PRRX2: variants seen among roughly 807,000 people sequenced by gnomAD.
The protein encoded by PRRX2 is paired mesoderm homeobox protein 2.
In PRRX2, 11 loss-of-function variants were observed where a neutral mutation model predicts 18.0. The observed-to-expected ratio is 0.61, with a 90% confidence interval of 0.39 to 1.01. PRRX2 has a LOEUF of 1.01. Ranked by LOEUF, PRRX2 falls within the 50% of genes least tolerant of loss-of-function variation. The pLI is 0.01. For missense variants in PRRX2, 387 were observed against 351.0 expected, an observed-to-expected ratio of 1.10 and a Z score of -0.82; for synonymous variants, 177 against 154.8, an observed-to-expected ratio of 1.14 and a Z score of -1.06.
chr9:129,666,981 C>A (rs866852445), intron 1 of PRRX2, among the ~76,000 whole-genome samples: 1 of 152,188 alleles, frequency 6.6e-6, no homozygotes, highest in Non-Finnish European at 1.5e-5. Context: ...CCCACCCGCC[C>A]CGGGGGACCC....
intron 1 of PRRX2, among the ~76,000 whole-genome samples, chr9:129,690,683 T>C (rs1186067246): frequency 1.3e-5 from 2 of 151,866 alleles, no homozygotes; most frequent in Non-Finnish European, 2.9e-5. Context: ...ATTTTTTGTA[T>C]TTTTAGTAGA....
rs539702516 is a variant in PRRX2 at position 129,666,550 on chromosome 9, G to C, written c.259+424G>C. ...TCCTCGGTCTTAAGTTGGGCTCTTT[G>C]GGGGGCGAGGGTGCCTGCCCACCCC... On this transcript the variant is annotated intron_variant, in intron 1 of 3. Coordinates refer to ENST00000372469, the MANE Select transcript of PRRX2 (RefSeq NM_016307.4). 9.7e-3 allele frequency among the ~76,000 whole-genome samples: 1,455 copies of C among 150,746 alleles called. 30 individuals are homozygous for C. The highest frequency in any genetic ancestry group is 0.034 in the African/African-American group (1,359 of 40,542).
chr9:129,707,448 G>A (rs1832570577), intron 1 of PRRX2, among the ~76,000 whole-genome samples: 1 of 151,962 alleles, frequency 6.6e-6, no homozygotes, highest in South Asian at 2.1e-4. Context: ...TCATTCACCA[G>A]TTGAAGGACA....
intron 1 of PRRX2, among the ~76,000 whole-genome samples, chr9:129,696,351 G>A (rs1832421803): frequency 6.6e-6 from 1 of 152,208 alleles, no homozygotes; most frequent in South Asian, 2.1e-4. Flanking sequence ...GAGGCGGATG[G>A]ATCGCTTGAG....
intron 1 of PRRX2, among the ~76,000 whole-genome samples, chr9:129,673,652 C>CCACACA (rs3054761): frequency 1.1e-3 from 169 of 149,328 alleles, no homozygotes; most frequent in African/African-American, 3.1e-3. Flanking sequence ...ACCCCCCATG[C>CCACACA]CACACACACA....
Position 129,665,918 on chromosome 9 carries a change from G to C in PRRX2, c.51G>C (p.Pro17=). Residue 17 remains proline (P), a synonymous_variant, in exon 1 of 4, where the codon CCG becomes CCC. Coordinates refer to ENST00000372469, the MANE Select transcript of PRRX2 (RefSeq NM_016307.4). The surrounding 1 kb of genome is among the most constrained non-coding windows in gnomAD (Gnocchi z 5.3). ...AFALDKPALG[P]GPPPPPPALG... ...CCCTGGACAAGCCGGCGCTGGGCCC[G>C]GGGCCGCCGCCGCCTCCACCCGCGC... 3 of 1,114,388 alleles carry C rather than the reference G, an allele frequency of 2.7e-6. No homozygotes were observed. The highest frequency in any genetic ancestry group is 2.7e-5 in the South Asian group (1 of 36,992). 69.0% of individuals were successfully genotyped at this position (1,114,388 alleles called of 1,614,324 possible).
intron 1 of PRRX2, among the ~76,000 whole-genome samples, chr9:129,682,153 G>A (rs1247629900): frequency 6.6e-6 from 1 of 152,066 alleles, no homozygotes; most frequent in South Asian, 2.1e-4. Context: ...ATGTCACATG[G>A]ATCCCACCTG....
At chr9:129,705,614 C>G (rs1260159834) in intron 1 of PRRX2, among the ~76,000 whole-genome samples, 1 of 151,816 alleles carries the variant, frequency 6.6e-6, no homozygotes, top group East Asian at 2.0e-4. Context: ...CTCGGCCTCC[C>G]AAAGTGCTGG....
At chr9:129,684,524 C>CACACACACACACA (rs1564147490) in intron 1 of PRRX2, among the ~76,000 whole-genome samples, 757 of 45,040 alleles carry the variant, frequency 0.017, 23 homozygotes, top group Middle Eastern at 0.039. Flanking sequence ...ACACACACAC[C>CACACACACACACA]CACACACACC....
chr9:129,708,544 CT>C (rs1485095933), intron 1 of PRRX2, among the ~76,000 whole-genome samples: 1 of 152,100 alleles, frequency 6.6e-6, no homozygotes, highest in Non-Finnish European at 1.5e-5. Context: ...TGTAAGGGTT[CT>C]TTATATTTTC....
At chr9:129,703,264 T>C (rs1412310008) in intron 1 of PRRX2, among the ~76,000 whole-genome samples, 1 of 151,682 alleles carries the variant, frequency 6.6e-6, no homozygotes, top group Non-Finnish European at 1.5e-5. Context: ...TAGAGAGGGG[T>C]GGCCAATTAA....
intron 1 of PRRX2, among the ~76,000 whole-genome samples, chr9:129,692,082 T>A (rs2130919251): frequency 6.6e-6 from 1 of 152,014 alleles, no homozygotes; most frequent in Admixed American, 6.6e-5. Context: ...TAGCTGGGAC[T>A]ATACAGGTAC....
chr9:129,685,683 C>T (rs1478139148), intron 1 of PRRX2, among the ~76,000 whole-genome samples: 1 of 152,224 alleles, frequency 6.6e-6, no homozygotes, highest in East Asian at 1.9e-4. Context: ...AAGTTAAAAA[C>T]AATTTCCAGT....
At chr9:129,716,549 G>A (rs1031696669) in intron 1 of PRRX2, among the ~76,000 whole-genome samples, 13 of 151,550 alleles carry the variant, frequency 8.6e-5, no homozygotes, top group Admixed American at 8.6e-4. Context: ...CCACCCCACA[G>A]GTTCAAGTGA....
intron 1 of PRRX2, among the ~76,000 whole-genome samples, chr9:129,672,799 C>G (rs184353289): frequency 6.6e-6 from 1 of 152,138 alleles, no homozygotes; most frequent in Non-Finnish European, 1.5e-5. Context: ...CCCGGATGCA[C>G]GAGAGCTGTG....
chr9:129,686,372 G>C (rs1352508507), intron 1 of PRRX2, among the ~76,000 whole-genome samples: 1 of 152,176 alleles, frequency 6.6e-6, no homozygotes, highest in Non-Finnish European at 1.5e-5. Flanking sequence ...TTTGAGACTT[G>C]GTCTTGCTGT....
intron 1 of PRRX2, among the ~76,000 whole-genome samples, chr9:129,669,287 A>G (rs1015820423): frequency 7.2e-5 from 11 of 152,242 alleles, no homozygotes; most frequent in Non-Finnish European, 1.6e-4. Flanking sequence ...CCAGTGACTC[A>G]GAACAAACCA....
intron 1 of PRRX2, among the ~76,000 whole-genome samples, chr9:129,689,398 C>G (rs915847750): frequency 2.6e-5 from 4 of 152,198 alleles, no homozygotes; most frequent in Non-Finnish European, 5.9e-5. Flanking sequence ...GAAGGAATTG[C>G]TCCACGCGAG....
At chr9:129,672,022 T>G (rs935803784) in intron 1 of PRRX2, among the ~76,000 whole-genome samples, 7 of 152,088 alleles carry the variant, frequency 4.6e-5, no homozygotes, top group Non-Finnish European at 8.8e-5. Context: ...AAGGAAGGTT[T>G]GCGGTGGCTT....
Sources: gnomAD v4.1 joint callset for allele counts (sites outside exome capture counted in the v4.1 genomes callset) on GRCh38, gnomAD v4.1.1 for gene constraint, Gnocchi (gnomAD v3.1) non-coding constraint, MANE v1.5 for transcripts, NCBI Gene and HGNC (gene_info 2026-07-23, HGNC 2026-07-21) for gene names.